The following PKIG variants were observed in gnomAD, a reference collection of about 807,000 sequenced individuals.
PKIG encodes the protein protein kinase (cAMP-dependent, catalytic) inhibitor gamma.
Under a neutral mutation model 6.8 loss-of-function variants are expected in PKIG, and 1 was observed. The observed-to-expected ratio is 0.15, with a 90% CI of 0.05 to 0.69. PKIG has a LOEUF of 0.69. PKIG is among the 30% of genes least tolerant of loss of function. PKIG has a pLI of 0.82. For missense variants in PKIG, 77 were observed against 104.0 expected (o/e 0.74, Z 1.13); for synonymous variants, 39 against 43.0 (o/e 0.91, Z 0.36).
chr20:44,536,631 C>A (rs1316414733), intron 1 of PKIG, among the ~76,000 whole-genome samples: 1 of 152,066 alleles, frequency 6.6e-6, no homozygotes, highest in Non-Finnish European at 1.5e-5. Context: ...GGCTGGAGAG[C>A]CACCCAAGCC....
chr20:44,574,088 T>G (rs537956921), intron 1 of PKIG, among the ~76,000 whole-genome samples: 40 of 152,364 alleles, frequency 2.6e-4, no homozygotes, highest in African/African-American at 9.1e-4. Context: ...CTTCTATTTC[T>G]CTAAATAATG....
At chr20:44,565,186 T>C (rs2064800140) in intron 1 of PKIG, among the ~76,000 whole-genome samples, 1 of 152,234 alleles carries the variant, frequency 6.6e-6, no homozygotes, top group Admixed American at 6.5e-5. Flanking sequence ...TGTCTACTTA[T>C]GTTCATTTAT....
At chr20:44,609,256 G>T (rs933022691) in intron 2 of PKIG, among the ~76,000 whole-genome samples, 8 of 152,212 alleles carry the variant, frequency 5.3e-5, no homozygotes, top group Non-Finnish European at 1.0e-4. Flanking sequence ...GGCATTTGCT[G>T]TCTCTGTGTC....
intron 1 of PKIG, among the ~76,000 whole-genome samples, chr20:44,562,523 G>C (rs865831985): frequency 4.7e-5 from 7 of 148,092 alleles, no homozygotes; most frequent in African/African-American, 7.5e-5. Context: ...GATGGCTTGA[G>C]TCTTGGAGGG....
intron 1 of PKIG, among the ~76,000 whole-genome samples, chr20:44,565,991 A>C (rs891451527): frequency 3.9e-5 from 6 of 152,140 alleles, no homozygotes; most frequent in Non-Finnish European, 7.3e-5. Context: ...CGAACTCCTG[A>C]CCTCAGGTGA....
At chr20:44,537,373 G>A (rs1354069162) in intron 1 of PKIG, among the ~76,000 whole-genome samples, 2 of 152,088 alleles carry the variant, frequency 1.3e-5, no homozygotes, top group African/African-American at 4.8e-5. Flanking sequence ...AAAGTGCTGT[G>A]ATTACAGGTG....
At chr20:44,589,308 G>C (rs2065015825) in intron 1 of PKIG, among the ~76,000 whole-genome samples, 1 of 152,138 alleles carries the variant, frequency 6.6e-6, no homozygotes, top group South Asian at 2.1e-4. Flanking sequence ...GTACACTCCA[G>C]CCTGGGGACA....
intron 1 of PKIG, among the ~76,000 whole-genome samples, chr20:44,546,560 C>CTTTTTTTTTTTTTT (rs59060487): frequency 7.1e-6 from 1 of 141,842 alleles, no homozygotes. Flanking sequence ...TTTTTGAGTT[C>CTTTTTTTTTTTTTT]TTTTTTTTTT....
chr20:44,581,285 C>G (rs1026790066), upstream of PKIG, among the ~76,000 whole-genome samples: 1 of 152,200 alleles, frequency 6.6e-6, no homozygotes, highest in African/African-American at 2.4e-5. Flanking sequence ...AGATTATGTA[C>G]AACGAGAGCA....
chr20:44,564,690 C>T (rs1350576341), intron 1 of PKIG, among the ~76,000 whole-genome samples: 2 of 152,160 alleles, frequency 1.3e-5, no homozygotes, highest in Non-Finnish European at 2.9e-5. Context: ...CAGGTGTTCC[C>T]GGCTTTAGCC....
chr20:44,540,171 G>A (rs1391375730), intron 1 of PKIG, among the ~76,000 whole-genome samples: 1 of 152,000 alleles, frequency 6.6e-6, no homozygotes, highest in Non-Finnish European at 1.5e-5. Flanking sequence ...ATGTTGGCCA[G>A]GCTGGTCTTG....
intron 2 of PKIG, among the ~76,000 whole-genome samples, chr20:44,607,107 A>G (rs1461453575): frequency 1.3e-5 from 2 of 152,196 alleles, no homozygotes; most frequent in Non-Finnish European, 2.9e-5. Flanking sequence ...AAAGTCACAG[A>G]TCCTTTGAGG....
chr20:44,549,926 A>G (rs2064652646), intron 1 of PKIG, among the ~76,000 whole-genome samples: 1 of 152,066 alleles, frequency 6.6e-6, no homozygotes, highest in South Asian at 2.1e-4. Flanking sequence ...TATCTCTTTC[A>G]GTGAAAAGGG....
chr20:44,614,904 C>T lies in PKIG; in HGVS notation c.151+197C>T, dbSNP rs1061662. Reference sequence around the variant, plus strand: ...TTTGAGTCTCAGGCCCCAAGGACTCCTCTGGACAGGCATCCGGGACTCTTC... The same window carrying T: ...TTTGAGTCTCAGGCCCCAAGGACTCTTCTGGACAGGCATCCGGGACTCTTC... On this transcript the variant is annotated intron_variant, in intron 3 of 3. Transcript: ENST00000372886. This position sits in a 1 kb window ranked among gnomAD's most constrained non-coding sequence, Gnocchi z 4.6. 0.17 allele frequency: 100,336 copies of T among 596,646 alleles called. 9,954 individuals carry two copies. The highest frequency in any genetic ancestry group is 0.35 in the African/African-American group (18,455 of 53,432). 37.0% of individuals were successfully genotyped at this position (596,646 alleles called of 1,614,324 possible). A position where few individuals can be genotyped will look rare whatever the true frequency, so the allele number is the denominator to read the frequency against.
intron 1 of PKIG, among the ~76,000 whole-genome samples, chr20:44,562,461 G>C (rs1476477491): frequency 6.6e-6 from 1 of 151,802 alleles, no homozygotes; most frequent in East Asian, 1.9e-4. Context: ...AATTAGCCAG[G>C]TGTGGTGGTG....
At chr20:44,618,158 G>T (rs1455857677) in intron 3 of PKIG, 127 bp from the exon 4 acceptor site, 2 of 484,962 alleles carry the variant, frequency 4.1e-6, no homozygotes, top group Non-Finnish European at 7.0e-6. Flanking sequence ...CCTCAGTCCA[G>T]CTCCAGCTCG....
At chr20:44,533,966 G>A (rs986986530) in intron 1 of PKIG, among the ~76,000 whole-genome samples, 7 of 152,188 alleles carry the variant, frequency 4.6e-5, no homozygotes, top group Non-Finnish European at 8.8e-5. Flanking sequence ...AATGGTTGGG[G>A]CGGAATCTAT....
chr20:44,536,730 G>T (rs3091629), intron 1 of PKIG, among the ~76,000 whole-genome samples: 34,329 of 152,146 alleles, frequency 0.23, 4,986 homozygotes, highest in African/African-American at 0.41. Flanking sequence ...ATAGAGAGAT[G>T]ACACTGGCTC....
At chr20:44,538,421 T>C (rs1301717867) in intron 1 of PKIG, among the ~76,000 whole-genome samples, 1 of 152,246 alleles carries the variant, frequency 6.6e-6, no homozygotes, top group Non-Finnish European at 1.5e-5. Flanking sequence ...CAGGTTTTAT[T>C]TTCTTCTTAT....
Sources: allele counts gnomAD v4.1 joint callset (sites outside exome capture counted in the v4.1 genomes callset), GRCh38; gene constraint gnomAD v4.1.1; non-coding constraint Gnocchi (gnomAD v3.1); transcripts MANE v1.5; gene names NCBI Gene and HGNC (gene_info 2026-07-23, HGNC 2026-07-21).